The following KCNQ3 variants were observed in gnomAD, a reference collection of about 807,000 sequenced individuals.
The protein encoded by KCNQ3 is potassium voltage-gated channel subfamily KQT member 3.
A neutral mutation model predicts 92.5 loss-of-function variants in KCNQ3; 30 were observed. The observed-to-expected ratio is 0.32, with a 90% CI of 0.24 to 0.44. KCNQ3 has a LOEUF of 0.44. Ranked by LOEUF, KCNQ3 falls within the 20% of genes least tolerant of loss-of-function variation. The probability of loss-of-function intolerance (pLI) is 1.00; values close to 1 mark genes in which losing one functional copy is unlikely to be tolerated. For missense variants in KCNQ3, 913 were observed against 1,140.3 expected, an observed-to-expected ratio of 0.80 and a Z score of 2.87; for synonymous variants, 450 against 468.8, an observed-to-expected ratio of 0.96 and a Z score of 0.52.
chr8:132,150,371 A>G (rs1318646102), intron 9 of KCNQ3, among the ~76,000 whole-genome samples: 1 of 152,120 alleles, frequency 6.6e-6, no homozygotes, highest in Non-Finnish European at 1.5e-5. Flanking sequence ...CTGGTTTGAT[A>G]TGTGAGCTTT....
intron 9 of KCNQ3, among the ~76,000 whole-genome samples, chr8:132,143,013 C>T (rs1255012788): frequency 6.6e-6 from 1 of 152,082 alleles, no homozygotes; most frequent in Admixed American, 6.6e-5. Context: ...GTCCAGCATA[C>T]GGAAGGCATT....
chr8:132,151,980 A>C (rs1825648872), intron 9 of KCNQ3, among the ~76,000 whole-genome samples: 1 of 152,210 alleles, frequency 6.6e-6, no homozygotes, highest in Non-Finnish European at 1.5e-5. Flanking sequence ...ATCATAATTA[A>C]GGTTATGTTA....
chr8:132,162,006 T>C (rs1826005027), intron 9 of KCNQ3, among the ~76,000 whole-genome samples: 1 of 152,242 alleles, frequency 6.6e-6, no homozygotes, highest in African/African-American at 2.4e-5. Context: ...GACTTTGCTC[T>C]TCTTCTCTGA....
intron 1 of KCNQ3, among the ~76,000 whole-genome samples, chr8:132,349,618 C>T (rs1818799361): frequency 6.6e-6 from 1 of 152,228 alleles, no homozygotes; most frequent in Non-Finnish European, 1.5e-5. Context: ...TACACCTCCA[C>T]CAAGCCCTGA....
chr8:132,342,514 A>G (rs765943275), intron 1 of KCNQ3, among the ~76,000 whole-genome samples: 25 of 152,182 alleles, frequency 1.6e-4, no homozygotes, highest in Non-Finnish European at 2.6e-4. Flanking sequence ...TATGATAGAA[A>G]TGGAGAAAGT....
chr8:132,255,294 A>G (rs1385809850), intron 1 of KCNQ3, among the ~76,000 whole-genome samples: 1 of 152,176 alleles, frequency 6.6e-6, no homozygotes, highest in Non-Finnish European at 1.5e-5. Flanking sequence ...GGACTTGTCT[A>G]TATTTGACCT....
chr8:132,337,660 C>T (rs1029117898), intron 1 of KCNQ3, among the ~76,000 whole-genome samples: 4 of 152,014 alleles, frequency 2.6e-5, no homozygotes, highest in Admixed American at 6.5e-5. Flanking sequence ...TAAAAGACTC[C>T]TCAGACCCCC....
intron 1 of KCNQ3, among the ~76,000 whole-genome samples, chr8:132,374,920 T>A (rs1202228836): frequency 6.6e-6 from 1 of 152,216 alleles, no homozygotes; most frequent in Non-Finnish European, 1.5e-5. Flanking sequence ...CTTTATCTAA[T>A]CTGTCATTGA....
chr8:132,237,671 A>G (rs1422562678), intron 1 of KCNQ3, among the ~76,000 whole-genome samples: 2 of 152,170 alleles, frequency 1.3e-5, no homozygotes, highest in Admixed American at 6.6e-5. Flanking sequence ...AGAGGCCAGG[A>G]AGCTTAAGGC....
intron 13 of KCNQ3, among the ~76,000 whole-genome samples, chr8:132,132,953 T>C (rs1269922495): frequency 6.6e-6 from 1 of 152,192 alleles, no homozygotes; most frequent in Non-Finnish European, 1.5e-5. Context: ...GATTTCTCTC[T>C]CTCATAGGCT....
At chr8:132,217,723 A>C (rs914706896) in intron 1 of KCNQ3, among the ~76,000 whole-genome samples, 2 of 151,304 alleles carry the variant, frequency 1.3e-5, no homozygotes, top group Non-Finnish European at 2.9e-5. Context: ...AAAAAAAAAA[A>C]AAAAAAACAA....
chr8:132,279,043 C>T (rs138985123), intron 1 of KCNQ3, among the ~76,000 whole-genome samples: 3,138 of 152,098 alleles, frequency 0.021, 40 homozygotes, highest in Middle Eastern at 0.061. Context: ...TGATGAAACC[C>T]CGTCTCTACT....
chr8:132,349,356 A>T (rs1323258649), intron 1 of KCNQ3, among the ~76,000 whole-genome samples: 2 of 152,204 alleles, frequency 1.3e-5, no homozygotes, highest in Non-Finnish European at 2.9e-5. Flanking sequence ...CAACCCACAA[A>T]ATCAGAAGCA....
In KCNQ3 at chr8:132,460,602, A is replaced by G. The variant is rs570555063; in HGVS notation, c.386+19545T>C. ...GTTTTTAGTCTTAGAAACTCCATTC[A>G]TTGCCAAAGTTGCTTAGGTCAGCAC... is the stretch of plus-strand genomic sequence containing the variant. On this transcript the variant is annotated intron_variant, in intron 1 of 14. Transcript: ENST00000388996. 1.1e-4 allele frequency among the ~76,000 whole-genome samples: 16 copies of G among 152,340 alleles called. 1 individual carries two copies. The highest frequency in any genetic ancestry group is 2.4e-4 in the African/African-American group (10 of 41,582).
At chr8:132,418,883 G>A (rs1209429898) in intron 1 of KCNQ3, among the ~76,000 whole-genome samples, 2 of 152,248 alleles carry the variant, frequency 1.3e-5, no homozygotes, top group African/African-American at 4.8e-5. Flanking sequence ...AGGAAAAGCA[G>A]CAGGCAGCAT....
intron 1 of KCNQ3, among the ~76,000 whole-genome samples, chr8:132,478,974 G>T (rs946751005): frequency 3.3e-5 from 5 of 151,756 alleles, no homozygotes; most frequent in Admixed American, 6.6e-5. Flanking sequence ...GTGGGGGAGA[G>T]AGGGGGGAGG....
At chr8:132,439,626 G>T (rs1007810662) in intron 1 of KCNQ3, among the ~76,000 whole-genome samples, 6 of 152,074 alleles carry the variant, frequency 3.9e-5, no homozygotes, top group African/African-American at 1.4e-4. Context: ...TTCCAGCAGA[G>T]GAGGGGGCAG....
intron 1 of KCNQ3, among the ~76,000 whole-genome samples, chr8:132,391,307 T>A (rs2130770504): frequency 6.6e-6 from 1 of 152,172 alleles, no homozygotes; most frequent in Admixed American, 6.5e-5. Context: ...GCTGGGTGAC[T>A]TTGGCCAAGG....
chr8:132,466,897 G>A (rs1822185092), intron 1 of KCNQ3, among the ~76,000 whole-genome samples: 1 of 152,168 alleles, frequency 6.6e-6, no homozygotes, highest in Admixed American at 6.5e-5. Context: ...ACTCCTCAAA[G>A]GGGAGATATT....
Sources: gnomAD v4.1 joint callset for allele counts (sites outside exome capture counted in the v4.1 genomes callset) on GRCh38, gnomAD v4.1.1 for gene constraint, MANE v1.5 for transcripts, NCBI Gene and HGNC (gene_info 2026-07-23, HGNC 2026-07-21) for gene names.